CACNA1E: variants seen among roughly 807,000 people sequenced by gnomAD.
The protein encoded by CACNA1E is calcium voltage-gated channel subunit alpha1 E.
Under a neutral mutation model 259.2 loss-of-function variants are expected in CACNA1E, and 40 were observed. The ratio of observed to expected loss-of-function variants is 0.15; its 90% CI spans 0.12 to 0.20. The LOEUF (loss-of-function observed/expected upper bound fraction) is 0.20. Among genes scored for constraint, CACNA1E ranks in the 10% least tolerant of loss-of-function variants. The pLI is 1.00. For missense variants in CACNA1E, 1,874 were observed against 3,040.1 expected, an observed-to-expected ratio of 0.62 and a Z score of 9.02; for synonymous variants, 1,104 against 1,138.5, an observed-to-expected ratio of 0.97 and a Z score of 0.61.
chr1:181,797,555 C>T (rs1409776463), intron 47 of CACNA1E, among the ~76,000 whole-genome samples: 1 of 152,188 alleles, frequency 6.6e-6, no homozygotes, highest in Non-Finnish European at 1.5e-5. Context: ...TAGTGCAGAA[C>T]AGCATTAACC....
At chr1:181,682,456 A>G (rs1650070525) in intron 7 of CACNA1E, among the ~76,000 whole-genome samples, 2 of 152,040 alleles carry the variant, frequency 1.3e-5, no homozygotes, top group Non-Finnish European at 2.9e-5. Context: ...GGCATCTCAG[A>G]CTCAGTATGG....
At chr1:181,755,704 A>T (rs1022677377) in intron 28 of CACNA1E, among the ~76,000 whole-genome samples, 1 of 152,208 alleles carries the variant, frequency 6.6e-6, no homozygotes, top group Non-Finnish European at 1.5e-5. Context: ...AGACTCAGAA[A>T]GTTTAAGCAA....
At position 181,496,345 on chromosome 1, in the gene CACNA1E, T is replaced by C. The variant is rs545953544; in HGVS notation, c.266+12335T>C. On this transcript the variant is annotated intron_variant, in intron 1 of 47. Transcript: ENST00000367573. Reference sequence around the variant, plus strand: ...TATAACCTTAACAGACTCACTTGATTTTGTCTTTGAACAAAAATGGTAGCA... The same window carrying C: ...TATAACCTTAACAGACTCACTTGATCTTGTCTTTGAACAAAAATGGTAGCA... 5.4e-4 allele frequency among the ~76,000 whole-genome samples: 82 copies of C among 152,296 alleles called. 2 individuals are homozygous for C. The highest frequency in any genetic ancestry group is 5.3e-3 in the Admixed American group (81 of 15,298).
chr1:181,668,371 G>A (rs59203465), intron 7 of CACNA1E, among the ~76,000 whole-genome samples: 13 of 152,168 alleles, frequency 8.5e-5, no homozygotes, highest in African/African-American at 2.4e-4. Context: ...GATATACCAC[G>A]GTTTGTTTCC....
Position 181,654,982 on chromosome 1 carries a change from CAAAAAA to C in CACNA1E, c.1055+3557_1055+3562del, listed in dbSNP as rs1208750325. The stretch of plus-strand genomic sequence containing the variant: ...CCTGGGCGACAGCGAGACTCCATCT[CAAAAAA>C]AAAAAAAAAAAAAAAGAAACATAAG... On this transcript the variant is annotated intron_variant, in intron 7 of 47. Transcript: ENST00000367573. Among the ~76,000 whole-genome samples the C allele has an allele frequency of 3.7e-4, 20 of 53,420 alleles. 1 individual carries two copies. The East Asian group carries it at 0.01, about 27-fold the overall frequency. The allele number at this position is 53,420 out of a possible 152,430, so 35.0% of individuals were successfully genotyped here. A position where few individuals can be genotyped will look rare whatever the true frequency, so the allele number is the denominator to read the frequency against.
chr1:181,745,330 A>ATTT (rs375841404), intron 25 of CACNA1E: 6 of 440,324 alleles, frequency 1.4e-5, no homozygotes, highest in East Asian at 6.2e-5. Flanking sequence ...ACACCCAAGT[A>ATTT]TTTTTTTTTT....
At chr1:181,795,391 C>T (rs887968761) in intron 46 of CACNA1E, among the ~76,000 whole-genome samples, 22 of 152,048 alleles carry the variant, frequency 1.4e-4, no homozygotes, top group African/African-American at 4.8e-4. Flanking sequence ...ACTTTAACCA[C>T]CAGTTCCACT....
intron 2 of CACNA1E, among the ~76,000 whole-genome samples, chr1:181,423,662 ATTTT>A (rs11302089): frequency 7.6e-6 from 1 of 130,992 alleles, no homozygotes; most frequent in Non-Finnish European, 1.6e-5. Context: ...CATTGGGCCA[ATTTT>A]TTTTTTTTTT....
intron 2 of CACNA1E, 76 bp from the exon 3 acceptor site, chr1:181,511,295 C>G: frequency 6.5e-7 from 1 of 1,542,720 alleles, no homozygotes; most frequent in Non-Finnish European, 8.9e-7. Flanking sequence ...CCAGGAAGGG[C>G]CAGGCTGTGC....
chr1:181,608,602 A>C (rs1033284198), intron 6 of CACNA1E, among the ~76,000 whole-genome samples: 1 of 152,106 alleles, frequency 6.6e-6, no homozygotes. Flanking sequence ...CTGGGTGAAC[A>C]CAAGAACCAT....
chr1:181,435,913 A>G (rs538799270), intron 2 of CACNA1E, among the ~76,000 whole-genome samples: 3 of 147,412 alleles, frequency 2.0e-5, no homozygotes, highest in Non-Finnish European at 4.5e-5. Context: ...GCTTTAAAAC[A>G]TCTGTTATCC....
intron 1 of CACNA1E, among the ~76,000 whole-genome samples, chr1:181,497,769 A>C (rs570356894): frequency 2.0e-5 from 3 of 152,210 alleles, no homozygotes; most frequent in African/African-American, 7.2e-5. Context: ...TTAGGATGAC[A>C]CTGTGAACTA....
chr1:181,720,389 C>G lies in CACNA1E; in HGVS notation c.1883+52C>G, dbSNP rs1333765683. The stretch of plus-strand genomic sequence containing the variant: ...AAGGAGGCTCAAAACCCAGTCGTAG[C>G]CTGTGTTGGGCTAGGGTCATTAACT... On this transcript the variant is annotated intron_variant, in intron 14 of 47. Coordinates refer to ENST00000367573, the MANE Select transcript of CACNA1E (RefSeq NM_001205293.3). 1.0e-5 allele frequency: 16 copies of G among 1,576,370 alleles called. No individual in the cohort carries two copies. In the Admixed American group the frequency reaches 2.9e-4, roughly 28 times the overall value.
chr1:181,350,842 T>C (rs999411527), intron 1 of CACNA1E, among the ~76,000 whole-genome samples: 5 of 152,180 alleles, frequency 3.3e-5, no homozygotes, highest in Admixed American at 1.3e-4. Flanking sequence ...ATTTGTTGGG[T>C]GCCCACCATT....
intron 1 of CACNA1E, among the ~76,000 whole-genome samples, chr1:181,410,766 G>A (rs1310510059): frequency 6.6e-6 from 1 of 152,122 alleles, no homozygotes; most frequent in Non-Finnish European, 1.5e-5. Flanking sequence ...TGTGATCCTG[G>A]GTGGGGCTCT....
At chr1:181,578,403 A>G (rs891569280) in intron 4 of CACNA1E, among the ~76,000 whole-genome samples, 5 of 152,134 alleles carry the variant, frequency 3.3e-5, no homozygotes, top group African/African-American at 1.2e-4. Context: ...AAAAATAGAA[A>G]AAAGTAAAAA....
At chr1:181,440,280 G>A (rs1170181686) in intron 2 of CACNA1E, among the ~76,000 whole-genome samples, 1 of 152,230 alleles carries the variant, frequency 6.6e-6, no homozygotes, top group Non-Finnish European at 1.5e-5. Context: ...ATCCCTGGGA[G>A]TAAAACCTTA....
intron 3 of CACNA1E, among the ~76,000 whole-genome samples, chr1:181,547,468 C>T (rs1469095489): frequency 6.6e-6 from 1 of 152,256 alleles, no homozygotes; most frequent in Non-Finnish European, 1.5e-5. Flanking sequence ...ATCCTCTGTT[C>T]ACTAGAAATG....
intron 6 of CACNA1E, among the ~76,000 whole-genome samples, chr1:181,620,710 ATG>A (rs777840500): frequency 1.3e-5 from 2 of 152,220 alleles, no homozygotes; most frequent in Admixed American, 6.5e-5. Context: ...GTAATGCAAG[ATG>A]GAAGGTGCCA....
Sources: allele counts gnomAD v4.1 joint callset (sites outside exome capture counted in the v4.1 genomes callset), GRCh38; gene constraint gnomAD v4.1.1; transcripts MANE v1.5; gene names NCBI Gene and HGNC (gene_info 2026-07-23, HGNC 2026-07-21).